LARGE1: variants seen among roughly 807,000 people sequenced by gnomAD.
The protein encoded by LARGE1 is LARGE xylosyl- and glucuronyltransferase 1.
In LARGE1, 43 loss-of-function variants were observed where a neutral mutation model predicts 87.6. That is an observed-to-expected ratio of 0.49 (90% CI 0.38 to 0.63). The LOEUF is 0.63. LARGE1 is among the 30% of genes least tolerant of loss of function. The pLI is 0.00. For synonymous variants in LARGE1, 434 were observed against 394.6 expected (o/e 1.10, Z -1.18); for missense variants, 802 against 1,000.2 (o/e 0.80, Z 2.67).
intron 1 of LARGE1, among the ~76,000 whole-genome samples, chr22:33,882,946 C>A (rs2064740265): frequency 6.6e-6 from 1 of 152,142 alleles, no homozygotes; most frequent in Non-Finnish European, 1.5e-5. Flanking sequence ...CTCCACAAAT[C>A]CAAGAGGCCA....
intron 6 of LARGE1, among the ~76,000 whole-genome samples, chr22:33,492,107 A>G (rs769318638): frequency 6.6e-6 from 1 of 152,238 alleles, no homozygotes; most frequent in Non-Finnish European, 1.5e-5. Flanking sequence ...AAAAGCAGGT[A>G]GATAAATAGG....
intron 12 of LARGE1, among the ~76,000 whole-genome samples, chr22:33,294,947 G>A (rs911724943): frequency 6.6e-6 from 1 of 152,086 alleles, no homozygotes; most frequent in African/African-American, 2.4e-5. Flanking sequence ...ATGACCTTTG[G>A]GCAAACTTAA....
chr22:33,172,883 T>C (rs12158938), intron 11 of LARGE1, among the ~76,000 whole-genome samples: 12,991 of 152,242 alleles, frequency 0.085, 747 homozygotes, highest in Middle Eastern at 0.2. Context: ...CTACATTTGA[T>C]TGGTGTGCCT....
At chr22:33,357,684 C>G (rs1371245495) in intron 9 of LARGE1, among the ~76,000 whole-genome samples, 3 of 152,042 alleles carry the variant, frequency 2.0e-5, no homozygotes, top group Admixed American at 2.0e-4. Flanking sequence ...ATCCCAGCTA[C>G]TTGGGAGGCT....
At chr22:33,496,388 T>C (rs1432804290) in intron 6 of LARGE1, among the ~76,000 whole-genome samples, 1 of 152,096 alleles carries the variant, frequency 6.6e-6, no homozygotes, top group African/African-American at 2.4e-5. Flanking sequence ...AGTGATAATA[T>C]CATGAGGGCG....
In LARGE1 at chr22:33,690,672, A is replaced by G. The variant is rs1024401631; in HGVS notation, c.107-40004T>C. 3.4e-3 allele frequency among the ~76,000 whole-genome samples: 7 copies of G among 2,032 alleles called. No homozygotes were observed. In the East Asian group the frequency reaches 0.062, roughly 18 times the overall value. 1.3% of individuals were successfully genotyped at this position (2,032 alleles called of 152,430 possible). A position where few individuals can be genotyped will look rare whatever the true frequency, so the allele number is the denominator to read the frequency against. ...AAGGCAAAGAGACCAGAGAAGAGGA[A>G]AAAAAAAAAAAAAGGAATGGTAAGA... On this transcript the variant is annotated intron_variant, in intron 2 of 14. Coordinates refer to ENST00000397394, the MANE Select transcript of LARGE1 (RefSeq NM_133642.5).
intron 3 of LARGE1, among the ~76,000 whole-genome samples, chr22:33,646,798 G>A (rs1454124318): frequency 2.0e-5 from 3 of 152,204 alleles, no homozygotes; most frequent in Admixed American, 2.0e-4. Flanking sequence ...CATGACCTCA[G>A]CTCACTGCAA....
intron 4 of LARGE1, among the ~76,000 whole-genome samples, chr22:33,621,159 C>G (rs1036225449): frequency 6.6e-6 from 1 of 152,148 alleles, no homozygotes; most frequent in Admixed American, 6.5e-5. Flanking sequence ...AAACTGAGTA[C>G]ATGGTTTACC....
intron 1 of LARGE1, among the ~76,000 whole-genome samples, chr22:33,789,883 A>T (rs62225441): frequency 0.076 from 11,502 of 152,232 alleles, 531 homozygotes; most frequent in Admixed American, 0.11. Flanking sequence ...GGAAGAGACT[A>T]GCCTTGTCTC....
At chr22:33,728,308 G>A (rs577910908) in intron 2 of LARGE1, among the ~76,000 whole-genome samples, 43 of 152,196 alleles carry the variant, frequency 2.8e-4, no homozygotes, top group Non-Finnish European at 2.9e-4. Context: ...AGAGGCCAAG[G>A]CAGGCAGATC....
intron 1 of LARGE1, among the ~76,000 whole-genome samples, chr22:33,790,471 A>AT (rs201067259): frequency 0.022 from 3,263 of 151,608 alleles, 58 homozygotes; most frequent in Middle Eastern, 0.048. Context: ...ATTTAAACCA[A>AT]TTTTTTTTTC....
intron 3 of LARGE1, among the ~76,000 whole-genome samples, chr22:33,646,095 C>T (rs1420263093): frequency 6.6e-6 from 1 of 151,998 alleles, no homozygotes; most frequent in African/African-American, 2.4e-5. Context: ...GGGTATATAC[C>T]CAAAGGATTA....
chr22:33,921,909 G>A (rs546136925), upstream of LARGE1, among the ~76,000 whole-genome samples: 1 of 152,148 alleles, frequency 6.6e-6, no homozygotes, highest in East Asian at 2.0e-4. The surrounding 1 kb of genome is among the most constrained non-coding windows in gnomAD (Gnocchi z 4.1). Flanking sequence ...CTCGAGAGAA[G>A]ACCCAGAGGA....
At chr22:33,338,019 A>G (rs1938683614) in intron 9 of LARGE1, among the ~76,000 whole-genome samples, 1 of 152,096 alleles carries the variant, frequency 6.6e-6, no homozygotes, top group Non-Finnish European at 1.5e-5. Flanking sequence ...CTTTAATCTC[A>G]CACAAGTGAC....
At chr22:33,541,201 G>T (rs9607055) in intron 6 of LARGE1, among the ~76,000 whole-genome samples, 13 of 133,714 alleles carry the variant, frequency 9.7e-5, no homozygotes, top group Non-Finnish European at 2.0e-4. Flanking sequence ...GGGAAAAAAA[G>T]AAAAAAAAAA....
chr22:33,260,544 T>C (rs1028707668), intron 11 of LARGE1, among the ~76,000 whole-genome samples: 2 of 150,578 alleles, frequency 1.3e-5, no homozygotes, highest in Non-Finnish European at 2.9e-5. Context: ...TCACAGCGTC[T>C]ATTTCATAGG....
chr22:33,098,179 A>T, the LARGE1 span, among the ~76,000 whole-genome samples: 2 of 152,136 alleles, frequency 1.3e-5, no homozygotes, highest in African/African-American at 4.8e-5. Context: ...ATGGTGGCAC[A>T]TGACTGTAGT....
intron 11 of LARGE1, among the ~76,000 whole-genome samples, chr22:33,247,079 G>A (rs185713656): frequency 3.5e-5 from 5 of 144,692 alleles, no homozygotes; most frequent in African/African-American, 1.3e-4. Flanking sequence ...GTGTGTGTGT[G>A]TGTGTGTTGT....
At chr22:33,287,183 A>G (rs1354135666) in intron 12 of LARGE1, among the ~76,000 whole-genome samples, 1 of 152,172 alleles carries the variant, frequency 6.6e-6, no homozygotes, top group African/African-American at 2.4e-5. Context: ...TAACCCATCC[A>G]TTATTTGCTT....
Sources: gnomAD v4.1 joint callset for allele counts (sites outside exome capture counted in the v4.1 genomes callset) on GRCh38, gnomAD v4.1.1 for gene constraint, Gnocchi (gnomAD v3.1) non-coding constraint, MANE v1.5 for transcripts, NCBI Gene and HGNC (gene_info 2026-07-23, HGNC 2026-07-21) for gene names.